The following SLC49A3 variants were observed in gnomAD, a reference collection of about 807,000 sequenced individuals.
The protein encoded by SLC49A3 is solute carrier family 49 member 3.
In SLC49A3, 50 loss-of-function variants were observed where a neutral mutation model predicts 43.8. The ratio of observed to expected loss-of-function variants is 1.14; its 90% confidence interval spans 0.91 to 1.45. SLC49A3 has a LOEUF of 1.45. SLC49A3 is among the 40% of genes most tolerant of loss of function. SLC49A3 has a pLI of 0.00. For missense variants in SLC49A3, 906 were observed against 774.1 expected, an observed-to-expected ratio of 1.17 and a Z score of -2.02; for synonymous variants, 413 against 352.0, an observed-to-expected ratio of 1.17 and a Z score of -1.94.
chr4:689,465 C>T (rs562188513), upstream of SLC49A3: 1 of 193,290 alleles, frequency 5.2e-6, no homozygotes, highest in East Asian at 1.3e-4. Context: ...CTGGAAGTCA[C>T]TCTGCCCAGC....
Position 683,302 on chromosome 4 carries a change from GCCAAACAGC to G in SLC49A3, c.1050_1058del (p.Leu351_Gly353del). 2 of 1,612,670 alleles carry G rather than the reference GCCAAACAGC, an allele frequency of 1.2e-6. No homozygotes were observed. Among genetic ancestry groups the G allele is most frequent in the Non-Finnish European group, 1.7e-6 (2 of 1,179,806 alleles). The stretch of plus-strand genomic sequence containing the variant: ...CCATGGCCACGGGGCCCACCGAGAA[GCCAAACAGC>G]CCGAGCAGCGAGCAGGTGGCAGCCA... On this transcript the variant is annotated inframe_deletion, in exon 8 of 10. Transcript: ENST00000322224.
At chr4:680,497 C>T (rs201508988), downstream of SLC49A3, 3 of 1,613,460 alleles carry the variant, frequency 1.9e-6, no homozygotes, top group Admixed American at 1.7e-5. Context: ...GCTGAAGGTG[C>T]CTTTGTGGCA....
chr4:690,719 G>C (rs1003914959), upstream of SLC49A3, among the ~76,000 whole-genome samples: 1 of 152,096 alleles, frequency 6.6e-6, no homozygotes, highest in Non-Finnish European at 1.5e-5. Context: ...ACCATGAAAC[G>C]GGGCAGCCAC....
chr4:680,529 A>G (rs770723439), downstream of SLC49A3: 1 of 1,613,496 alleles, frequency 6.2e-7, no homozygotes, highest in Non-Finnish European at 8.5e-7. Flanking sequence ...CGAGGAGACC[A>G]TTCTTAACGC....
downstream of SLC49A3, chr4:676,852 G>T (rs1166738371): frequency 1.0e-6 from 1 of 984,202 alleles, no homozygotes; most frequent in East Asian, 1.1e-4. Flanking sequence ...TCCCTCCTGG[G>T]CAGGTCATGC....
chr4:686,485 G>T (rs1395112411), intron 2 of SLC49A3, 47 bp downstream of exon 2: 1 of 1,588,458 alleles, frequency 6.3e-7, no homozygotes. Flanking sequence ...AAATGCGGGG[G>T]CCCCTGCACT....
chr4:684,900 A>G lies in SLC49A3; in HGVS notation c.586-44T>C, dbSNP rs377222683. On this transcript the variant is annotated intron_variant, in intron 4 of 9. Coordinates refer to ENST00000322224, the MANE Select transcript of SLC49A3 (RefSeq NM_032219.4). Reference sequence around the variant, plus strand: ...GCACAAGGAGACCACGCAGACTGGCACCCACACACGCCGCAGCCCTGCCTG... The same window carrying G: ...GCACAAGGAGACCACGCAGACTGGCGCCCACACACGCCGCAGCCCTGCCTG... The G allele has an allele frequency of 1.0e-3, 1,633 of 1,585,990 alleles. 1 individual carries two copies. Among genetic ancestry groups the G allele is most frequent in the Non-Finnish European group, 1.3e-3 (1,564 of 1,169,564 alleles).
chr4:691,439 A>G (rs1392805388), upstream of SLC49A3, among the ~76,000 whole-genome samples: 1 of 151,258 alleles, frequency 6.6e-6, no homozygotes, highest in African/African-American at 2.4e-5. Flanking sequence ...TAAAAATGCA[A>G]CAGATTAGCT....
downstream of SLC49A3, chr4:678,017 A>G (rs767085592): frequency 2.5e-6 from 4 of 1,612,544 alleles, no homozygotes; most frequent in Non-Finnish European, 3.4e-6. Flanking sequence ...CAAAGCAGGC[A>G]GAAGCAGGCA....
Position 682,247 on chromosome 4 carries a change from C to T in SLC49A3, c.1391G>A (p.Gly464Asp), listed in dbSNP as rs756368226. 3.8e-5 allele frequency: 52 copies of T among 1,380,862 alleles called. No individual in the cohort carries two copies. The Middle Eastern group carries it at 1.3e-3, about 34-fold the overall frequency. 85.5% of individuals were successfully genotyped at this position (1,380,862 alleles called of 1,614,324 possible). A position where few individuals can be genotyped will look rare whatever the true frequency, so the allele number is the denominator to read the frequency against. ...EPPSTRNAVG[G>D]ADSGPGVDRG... ...GTCCACACCCGGCCCTGAGTCTGCGCCGCCCACGGCGTTACGGGTGGAGGG... is the reference window on the plus strand; with the variant it reads ...GTCCACACCCGGCCCTGAGTCTGCGTCGCCCACGGCGTTACGGGTGGAGGG... Residue 464 changes from glycine to aspartate, a missense_variant, in exon 10 of 10, where the codon GGC becomes GAC. By Grantham distance (94) the Gly-to-Asp change is moderately conservative (BLOSUM62 -1). Transcript: ENST00000322224.
chr4:687,344 C>T (rs540408226), intron 1 of SLC49A3: 1 of 152,596 alleles, frequency 6.6e-6, no homozygotes, highest in East Asian at 1.9e-4. Context: ...CATGAGTCGA[C>T]TGAGCTCCAG....
intron 3 of SLC49A3, 49 bp downstream of exon 3, chr4:686,040 T>C: frequency 6.2e-7 from 1 of 1,610,592 alleles, no homozygotes; most frequent in Non-Finnish European, 8.5e-7. Flanking sequence ...AGCGTCTGTG[T>C]GGACCCTGAG....
chr4:678,534 GC>G, downstream of SLC49A3: 5 of 1,462,824 alleles, frequency 3.4e-6, no homozygotes, highest in East Asian at 7.5e-5. Flanking sequence ...CAGCTGTCTG[GC>G]CCCCTCCAGC....
chr4:682,261 A>T lies in SLC49A3; in HGVS notation c.1377T>A (p.Arg459=). The change falls in exon 10 of 10, where the codon CGT becomes CGA. Residue 459 remains arginine (R), a synonymous_variant. Coordinates refer to ENST00000322224, the MANE Select transcript of SLC49A3 (RefSeq NM_032219.4). ...CTGAGTCTGCGCCGCCCACGGCGTT[A>T]CGGGTGGAGGGGGGCTCCCCAGACT... ...QAESGEPPST[R]NAVGGADSGP... 1 of 1,378,400 alleles carries T rather than the reference A, an allele frequency of 7.3e-7. No homozygotes were observed. Among genetic ancestry groups the T allele is most frequent in the East Asian group, 2.8e-5 (1 of 36,252 alleles). The allele number at this position is 1,378,400 out of a possible 1,614,324, so 85.4% of individuals were successfully genotyped here. A position where few individuals can be genotyped will look rare whatever the true frequency, so the allele number is the denominator to read the frequency against.
In SLC49A3 at chr4:684,855, A is replaced by G; in HGVS notation, c.587T>C (p.Leu196Pro). The change falls in exon 5 of 10, where the codon CTC (leucine) becomes CCC (proline). Residue 196 changes from leucine to proline, a missense_variant and splice_region_variant. Leu to Pro is a moderately conservative substitution (Grantham distance 98, BLOSUM62 -3). Transcript: ENST00000322224. ...GCCAGCAGGGATGGTATAGACACCGAGCTGGGGAGGGGTGTGTGTGCACAA... is the reference window on the plus strand; with the variant it reads ...GCCAGCAGGGATGGTATAGACACCGGGCTGGGGAGGGGTGTGTGTGCACAA... ...VKKGEDIPLMLGVYTIPAGVV... is the reference protein window; with the variant it reads ...VKKGEDIPLMPGVYTIPAGVV... 2 of 1,611,416 alleles carry G rather than the reference A, an allele frequency of 1.2e-6. No homozygotes were observed. Among genetic ancestry groups the G allele is most frequent in the Non-Finnish European group, 1.7e-6 (2 of 1,179,576 alleles).
At chr4:688,396 G>A (rs982125293) in intron 1 of SLC49A3, among the ~76,000 whole-genome samples, 2 of 152,168 alleles carry the variant, frequency 1.3e-5, no homozygotes, top group Non-Finnish European at 2.9e-5. Flanking sequence ...GTGACCTGGC[G>A]CCTCCCTGAG....
chr4:677,049 G>A (rs1738912296), downstream of SLC49A3: 1 of 404,208 alleles, frequency 2.5e-6, no homozygotes, highest in Admixed American at 6.4e-5. Context: ...CGCCCCCAGG[G>A]ATCCCACCTG....
At chr4:684,694 AC>A in intron 5 of SLC49A3, 24 bp downstream of exon 5, 1 of 1,605,508 alleles carries the variant, frequency 6.2e-7, no homozygotes, top group Non-Finnish European at 8.5e-7. Context: ...AATCCACCCT[AC>A]CCCGGGGATC....
downstream of SLC49A3, chr4:680,380 G>A: frequency 4.0e-6 from 4 of 991,568 alleles, no homozygotes; most frequent in Non-Finnish European, 4.7e-6. Flanking sequence ...TCAGGCAGAG[G>A]CCACCTTGTG....
Sources: allele counts gnomAD v4.1 joint callset (sites outside exome capture counted in the v4.1 genomes callset), GRCh38; gene constraint gnomAD v4.1.1; transcripts MANE v1.5; gene names NCBI Gene and HGNC (gene_info 2026-07-23, HGNC 2026-07-21).